The following KDM4C variants were observed in gnomAD, a reference collection of about 807,000 sequenced individuals.
KDM4C encodes lysine-specific demethylase 4C.
A neutral mutation model predicts 129.3 loss-of-function variants in KDM4C; 81 were observed. The ratio of observed to expected loss-of-function variants is 0.63; its 90% CI spans 0.52 to 0.75. KDM4C has a LOEUF of 0.75. Ranked by LOEUF, KDM4C falls within the 30% of genes least tolerant of loss-of-function variation. KDM4C has a pLI of 0.00. For synonymous variants in KDM4C, 573 were observed against 456.1 expected (o/e 1.26, Z -3.26); for missense variants, 1,457 against 1,304.0 (o/e 1.12, Z -1.81).
intron 1 of KDM4C, among the ~76,000 whole-genome samples, chr9:6,748,261 A>G (rs1261020113): frequency 6.6e-6 from 1 of 152,012 alleles, no homozygotes; most frequent in Non-Finnish European, 1.5e-5. Context: ...TAATCCCAGC[A>G]CTTTGGGAGG....
At chr9:6,811,372 C>G (rs1831114530) in intron 3 of KDM4C, among the ~76,000 whole-genome samples, 2 of 152,108 alleles carry the variant, frequency 1.3e-5, no homozygotes, top group Admixed American at 6.5e-5. Context: ...CCAGGCTGGT[C>G]TCTAACTCCT....
intron 2 of KDM4C, among the ~76,000 whole-genome samples, chr9:6,800,625 T>C (rs984264984): frequency 1.3e-5 from 2 of 152,050 alleles, no homozygotes; most frequent in Non-Finnish European, 2.9e-5. Flanking sequence ...TTTTTTAATT[T>C]ATTTTTATTT....
chr9:6,956,603 T>TA (rs1263340007), intron 8 of KDM4C, among the ~76,000 whole-genome samples: 2 of 152,194 alleles, frequency 1.3e-5, no homozygotes, highest in Non-Finnish European at 2.9e-5. Context: ...GTTTATGTAT[T>TA]ATCTAAGGTT....
chr9:6,940,113 A>C (rs998719771), intron 8 of KDM4C, among the ~76,000 whole-genome samples: 4 of 146,294 alleles, frequency 2.7e-5, no homozygotes, highest in Non-Finnish European at 6.0e-5. Flanking sequence ...TCTTCTTTCA[A>C]CAGGGTCCCA....
intron 7 of KDM4C, 80 bp downstream of exon 7, chr9:6,888,143 C>A: frequency 1.5e-6 from 1 of 676,378 alleles, no homozygotes; most frequent in Non-Finnish European, 2.4e-6. Context: ...CTTTAACTTC[C>A]AGTAGAATTT....
intron 17 of KDM4C, among the ~76,000 whole-genome samples, chr9:7,055,135 G>A (rs1587303199): frequency 2.0e-5 from 3 of 152,158 alleles, no homozygotes; most frequent in South Asian, 4.2e-4. Context: ...CCGAGATGGC[G>A]CCACTGCACT....
intron 4 of KDM4C, among the ~76,000 whole-genome samples, chr9:6,835,915 G>A (rs553252765): frequency 7.2e-5 from 11 of 152,274 alleles, no homozygotes; most frequent in African/African-American, 2.6e-4. Context: ...AAGGAGAATG[G>A]CCTAGTCCTC....
At chr9:6,940,433 T>C (rs1825737227) in intron 8 of KDM4C, among the ~76,000 whole-genome samples, 1 of 152,180 alleles carries the variant, frequency 6.6e-6, no homozygotes, top group African/African-American at 2.4e-5. Flanking sequence ...ACAAGATGAG[T>C]ATAGCTTTTA....
intron 8 of KDM4C, among the ~76,000 whole-genome samples, chr9:6,961,835 T>C (rs1308605090): frequency 6.6e-6 from 1 of 152,226 alleles, no homozygotes; most frequent in Admixed American, 6.5e-5. Flanking sequence ...CAATAGAAAT[T>C]GCCATCATTT....
chr9:7,057,267 G>A (rs1830990474), intron 17 of KDM4C, among the ~76,000 whole-genome samples: 1 of 152,244 alleles, frequency 6.6e-6, no homozygotes, highest in Non-Finnish European at 1.5e-5. Flanking sequence ...CCACAATTAA[G>A]TGAAGTCTTT....
chr9:6,783,611 C>A (rs970274367), intron 1 of KDM4C, among the ~76,000 whole-genome samples: 1 of 152,000 alleles, frequency 6.6e-6, no homozygotes, highest in African/African-American at 2.4e-5. Flanking sequence ...GAGGGGTTCG[C>A]TGAGGAATAG....
intron 21 of KDM4C, chr9:7,171,023 C>G (rs544285973): frequency 1.3e-5 from 2 of 152,926 alleles, no homozygotes; most frequent in Non-Finnish European, 2.9e-5. Context: ...ATGCAGCCGG[C>G]GGGCCATGGG....
At chr9:7,163,304 A>G (rs1464537847) in intron 19 of KDM4C, among the ~76,000 whole-genome samples, 1 of 152,194 alleles carries the variant, frequency 6.6e-6, no homozygotes, top group Non-Finnish European at 1.5e-5. Flanking sequence ...GTGCCTCACA[A>G]GTGTCACCGT....
chr9:7,117,643 A>G (rs986806714), intron 18 of KDM4C, among the ~76,000 whole-genome samples: 22 of 150,970 alleles, frequency 1.5e-4, no homozygotes, highest in Non-Finnish European at 3.1e-4. Flanking sequence ...ACACACACAC[A>G]CACACACACA....
chr9:6,747,426 T>C (rs1219605208), intron 1 of KDM4C, among the ~76,000 whole-genome samples: 1 of 150,076 alleles, frequency 6.7e-6, no homozygotes, highest in African/African-American at 2.5e-5. Flanking sequence ...TGGGCGCCTG[T>C]AGTCCCAACT....
intron 4 of KDM4C, chr9:6,835,547 GCT>G: frequency 7.5e-7 from 1 of 1,338,684 alleles, no homozygotes; most frequent in Non-Finnish European, 1.1e-6. Flanking sequence ...GATGAGTCCG[GCT>G]CCATCATCCA....
chr9:6,932,306 T>C (rs1038664767), intron 8 of KDM4C, among the ~76,000 whole-genome samples: 3 of 152,166 alleles, frequency 2.0e-5, no homozygotes, highest in Admixed American at 1.3e-4. Flanking sequence ...CTCTCCTGTT[T>C]CTGCGGCACA....
intron 1 of KDM4C, among the ~76,000 whole-genome samples, chr9:6,770,216 A>C (rs76978112): frequency 9.6e-6 from 1 of 104,376 alleles, no homozygotes; most frequent in Non-Finnish European, 2.2e-5. Flanking sequence ...AAAAAACACC[A>C]AAAAAAAAAA....
intron 5 of KDM4C, among the ~76,000 whole-genome samples, chr9:6,860,142 G>C (rs1349774626): frequency 6.6e-6 from 1 of 152,162 alleles, no homozygotes. Context: ...AAGATTTTCA[G>C]AGGGCTGTAA....
Sources: allele counts gnomAD v4.1 joint callset (sites outside exome capture counted in the v4.1 genomes callset), GRCh38; gene constraint gnomAD v4.1.1; transcripts MANE v1.5; gene names NCBI Gene and HGNC (gene_info 2026-07-23, HGNC 2026-07-21).